IKZF2: variants seen among roughly 807,000 people sequenced by gnomAD.
The protein encoded by IKZF2 is zinc finger protein Helios.
IKZF2 carries 15 observed loss-of-function variants against 49.2 expected under a neutral mutation model. The observed-to-expected ratio is 0.30, with a 90% CI of 0.20 to 0.47. The LOEUF (loss-of-function observed/expected upper bound fraction) is 0.47, where lower values mean the gene tolerates loss of function less well. Ranked by LOEUF, IKZF2 falls within the 20% of genes least tolerant of loss-of-function variation. IKZF2 has a pLI of 1.00. For missense variants in IKZF2, 567 were observed against 664.6 expected, an observed-to-expected ratio of 0.85 and a Z score of 1.61; for synonymous variants, 227 against 221.4, an observed-to-expected ratio of 1.03 and a Z score of -0.23.
intron 4 of IKZF2, among the ~76,000 whole-genome samples, chr2:213,088,754 T>C (rs899422153): frequency 6.6e-6 from 1 of 152,130 alleles, no homozygotes; most frequent in Non-Finnish European, 1.5e-5. Flanking sequence ...CGAGACTCTG[T>C]CTCAAAATAA....
At chr2:213,124,147 C>T (rs958126193) in intron 4 of IKZF2, among the ~76,000 whole-genome samples, 12 of 151,918 alleles carry the variant, frequency 7.9e-5, no homozygotes, top group African/African-American at 2.9e-4. Context: ...TCTAAATGAC[C>T]TTTGGGGTCA....
In IKZF2 at chr2:213,001,990, G is replaced by A. The variant is rs2888131; in HGVS notation, c.*5370C>T. The A allele has an allele frequency of 1, 151,145 of 151,528 alleles. 75,382 individuals are homozygous for A. The highest frequency in any genetic ancestry group is 1 in the Middle Eastern group (294 of 294). The allele number at this position is 151,528 out of a possible 1,614,324, so 9.4% of individuals were successfully genotyped here. On this transcript the variant is annotated 3_prime_UTR_variant, in exon 9 of 9. Transcript: ENST00000434687. ...GTAAATTAAAGTAAGTAAAATCTTG[G>A]TAAGTGCATAGTAGGGGATTCAGTG... is the stretch of plus-strand genomic sequence containing the variant.
chr2:213,007,646 T>C lies in IKZF2; in HGVS notation c.1295A>G (p.Gln432Arg). 6.2e-7 allele frequency: 1 copy of C among 1,613,748 alleles called. No homozygotes were observed. The highest frequency in any genetic ancestry group is 1.1e-5 in the South Asian group (1 of 91,082). ...ATCCTCCTTCATGTAAGCTGGGCTT[T>C]GTTTCCTCTTGGGATTTAAGGCAGG... ...GHPALNPKRK[Q>R]SPAYMKEDVK... The change falls in exon 9 of 9, where the codon CAA becomes CGA. Residue 432 changes from glutamine to arginine, a missense_variant. Transcript: ENST00000434687.
intron 6 of IKZF2, among the ~76,000 whole-genome samples, 181 bp from the exon 7 acceptor site, chr2:213,022,311 A>C (rs1697316212): frequency 6.6e-6 from 1 of 152,222 alleles, no homozygotes; most frequent in East Asian, 1.9e-4. Context: ...GACAAAGACA[A>C]GAAGACAGGT....
Position 213,083,302 on chromosome 2 carries a change from A to G in IKZF2, c.140-26203T>C, listed in dbSNP as rs546009961. Among the ~76,000 whole-genome samples, 7 of 150,220 alleles carry G rather than the reference A, an allele frequency of 4.7e-5. No individual in the cohort carries two copies. The South Asian group carries it at 1.5e-3, about 32-fold the overall frequency. On this transcript the variant is annotated intron_variant, in intron 4 of 8. Transcript: ENST00000434687. ...GGTGAGCTCCATCTGTATTTACAGC[A>G]CTTCCCATCTCTCATACTACTGCTT...
intron 4 of IKZF2, among the ~76,000 whole-genome samples, chr2:213,075,106 T>C (rs1044084070): frequency 1.3e-5 from 2 of 152,162 alleles, no homozygotes; most frequent in African/African-American, 4.8e-5. Flanking sequence ...ACTACCTTAT[T>C]TCATTCAGTT....
intron 1 of IKZF2, among the ~76,000 whole-genome samples, chr2:213,150,587 A>AG (rs2061250432): frequency 6.6e-6 from 1 of 151,176 alleles, no homozygotes; most frequent in Non-Finnish European, 1.5e-5. Flanking sequence ...GAGGAAAAAA[A>AG]AGAGAGAGAG....
rs2061132381 is a variant in IKZF2 at position 213,147,807 on chromosome 2, T to C, written c.40A>G (p.Asn14Asp). ...TGCTCCCTTTCGGGTGAAAGCTCATTGTCACCTGCTTTCACAAAATATAAT... is the reference window on the plus strand; with the variant it reads ...TGCTCCCTTTCGGGTGAAAGCTCATCGTCACCTGCTTTCACAAAATATAAT... ...EAIDGYITCD[N>D]ELSPEREHSN... Residue 14 changes from asparagine to aspartate, a missense_variant, in exon 4 of 9, where the codon AAT becomes GAT. Physicochemically the swap from Asn to Asp is conservative, Grantham distance 23. This residue lies in a region of IKZF2 where 156 missense variants were observed against 138.5 expected (regional missense o/e 1.13). Transcript: ENST00000434687. 3 of 1,608,354 alleles carry C rather than the reference T, an allele frequency of 1.9e-6. No homozygotes were observed. The highest frequency in any genetic ancestry group is 2.6e-6 in the Non-Finnish European group (3 of 1,174,824).
intron 4 of IKZF2, among the ~76,000 whole-genome samples, chr2:213,124,214 GTCCT>G (rs2060148085): frequency 6.7e-6 from 1 of 150,190 alleles, no homozygotes; most frequent in Non-Finnish European, 1.5e-5. Flanking sequence ...ATGGGTGCAT[GTCCT>G]TGTGTGCACG....
Position 213,147,679 on chromosome 2 carries a change from C to T in IKZF2, c.139+29G>A, listed in dbSNP as rs555718669. ...CTGTTGCTGGAGAGACACACACACA[C>T]AAAAAAAAATCATAAAATGAAGACT... is the stretch of plus-strand genomic sequence containing the variant. On this transcript the variant is annotated intron_variant, in intron 4 of 8. Coordinates refer to ENST00000434687, the MANE Select transcript of IKZF2 (RefSeq NM_001387220.1). 6 of 1,460,502 alleles carry T rather than the reference C, an allele frequency of 4.1e-6. No individual in the cohort carries two copies. In the Admixed American group the frequency reaches 1.1e-4, roughly 26 times the overall value. 90.5% of individuals were successfully genotyped at this position (1,460,502 alleles called of 1,614,324 possible).
chr2:213,076,895 C>T (rs1703334749), intron 4 of IKZF2, among the ~76,000 whole-genome samples: 1 of 152,058 alleles, frequency 6.6e-6, no homozygotes. Flanking sequence ...AAGCCAGACT[C>T]CGTCTCCAAA....
rs576186295 is a variant in IKZF2, at chr2:212,999,804, C to T, written c.*7556G>A. The stretch of plus-strand genomic sequence containing the variant: ...AAATAAATCTTGGACAAATTATATG[C>T]TTGTTCCTGAGATTCCCTAAATTTA... On this transcript the variant is annotated 3_prime_UTR_variant, in exon 9 of 9. Transcript: ENST00000434687. 1 of 152,276 alleles carries T rather than the reference C, an allele frequency of 6.6e-6. No individual in the cohort carries two copies. The highest frequency in any genetic ancestry group is 1.5e-5 in the Non-Finnish European group (1 of 67,846). The allele number at this position is 152,276 out of a possible 1,614,324, so 9.4% of individuals were successfully genotyped here.
chr2:213,148,142 G>A (rs2061145571), intron 3 of IKZF2, among the ~76,000 whole-genome samples: 1 of 152,116 alleles, frequency 6.6e-6, no homozygotes, highest in Non-Finnish European at 1.5e-5. Context: ...TTTATAATGA[G>A]CATTTTCCAA....
intron 7 of IKZF2, 112 bp from the exon 8 acceptor site, chr2:213,014,046 G>A: frequency 1.1e-6 from 1 of 918,260 alleles, no homozygotes; most frequent in South Asian, 1.6e-5. Flanking sequence ...TGCTTCAGTA[G>A]AAGCAAGTAG....
In IKZF2 at chr2:213,079,520, A is replaced by C. The variant is rs1057428382; in HGVS notation, c.140-22421T>G. On this transcript the variant is annotated intron_variant, in intron 4 of 8. Coordinates refer to ENST00000434687, the MANE Select transcript of IKZF2 (RefSeq NM_001387220.1). ...AAGAGAGAGAGAGAAGAAAGGAAGG[A>C]AGGCAGGAAGGGAGGGAGGGAAGGA... Among the ~76,000 whole-genome samples the C allele has an allele frequency of 1.1e-4, 16 of 149,148 alleles. No homozygotes were observed. The South Asian group carries it at 1.1e-3, about 10-fold the overall frequency.
chr2:213,079,997 T>C (rs1470297724), intron 4 of IKZF2, among the ~76,000 whole-genome samples: 1 of 152,178 alleles, frequency 6.6e-6, no homozygotes, highest in African/African-American at 2.4e-5. Flanking sequence ...GATAAACTGC[T>C]GAGCAATATT....
intron 6 of IKZF2, among the ~76,000 whole-genome samples, chr2:213,031,660 T>C (rs1325390718): frequency 6.6e-6 from 1 of 152,222 alleles, no homozygotes; most frequent in Non-Finnish European, 1.5e-5. Flanking sequence ...AAGCAAAATA[T>C]ACATTGTAAC....
chr2:213,048,791 AAG>A (rs1441710918), intron 6 of IKZF2, among the ~76,000 whole-genome samples: 1 of 152,076 alleles, frequency 6.6e-6, no homozygotes, highest in East Asian at 1.9e-4. Flanking sequence ...GAAAAATGTA[AAG>A]AGAGATAATA....
At chr2:213,128,275 C>T (rs62189571) in intron 4 of IKZF2, among the ~76,000 whole-genome samples, 39,022 of 152,006 alleles carry the variant, frequency 0.26, 6,569 homozygotes, top group Non-Finnish European at 0.37. Flanking sequence ...CAACAGCAAA[C>T]GTGCCAAAAA....
Sources: gnomAD v4.1 joint callset for allele counts (sites outside exome capture counted in the v4.1 genomes callset) on GRCh38, gnomAD v4.1.1 for gene constraint, gnomAD v4.1.1 regional missense constraint, MANE v1.5 for transcripts, NCBI Gene and HGNC (gene_info 2026-07-23, HGNC 2026-07-21) for gene names.